The following PLS3 variants were observed in gnomAD, a reference collection of about 807,000 sequenced individuals.
PLS3 encodes plastin 3.
Under a neutral mutation model 46.5 loss-of-function variants are expected in PLS3, and 11 were observed. The ratio of observed to expected loss-of-function variants is 0.24; its 90% CI spans 0.15 to 0.39. The LOEUF (loss-of-function observed/expected upper bound fraction) is 0.39, where lower values mean the gene tolerates loss of function less well. PLS3 is among the 10% of genes least tolerant of loss of function. The pLI is 1.00. For missense variants in PLS3, 308 were observed against 461.8 expected, an observed-to-expected ratio of 0.67 and a Z score of 3.05; for synonymous variants, 167 against 162.2, an observed-to-expected ratio of 1.03 and a Z score of -0.22.
intron 1 of PLS3, among the ~76,000 whole-genome samples, chrX:115,580,077 G>A (rs1448836463): frequency 6.3e-5 from 7 of 111,957 alleles, no homozygotes; most frequent in Non-Finnish European, 3.8e-5. Flanking sequence ...ATTTTAAGAG[G>A]TCTTTATGTA....
intron 5 of PLS3, among the ~76,000 whole-genome samples, chrX:115,630,766 CATATATACAAAATATATATGT>C (rs1224920308): frequency 2.1e-4 from 19 of 91,564 alleles, no homozygotes; most frequent in South Asian, 9.0e-4. Flanking sequence ...ATTTTATACA[CATATATACAAAATATATATGT>C]ATATATACAA....
intron 2 of PLS3, among the ~76,000 whole-genome samples, chrX:115,615,020 G>A (rs186201794): frequency 9.9e-5 from 11 of 110,671 alleles, no homozygotes; most frequent in African/African-American, 2.3e-4. Flanking sequence ...ACAGATTCAA[G>A]GATGTTTAAA....
chrX:115,630,009 G>A, intron 5 of PLS3, 42 bp downstream of exon 5: 1 of 1,007,214 alleles, frequency 9.9e-7, no homozygotes, highest in Non-Finnish European at 1.4e-6. Flanking sequence ...TCCAAAAATA[G>A]CCTTCCATAT....
intron 1 of PLS3, among the ~76,000 whole-genome samples, chrX:115,576,732 A>G (rs1163517690): frequency 9.0e-6 from 1 of 111,413 alleles, no homozygotes; most frequent in Non-Finnish European, 1.9e-5. Context: ...GGAACCTTGC[A>G]GATCCTTTAG....
At chrX:115,628,801 A>G (rs782221518) in intron 3 of PLS3, among the ~76,000 whole-genome samples, 1 of 112,228 alleles carries the variant, frequency 8.9e-6, no homozygotes, top group African/African-American at 3.2e-5. Flanking sequence ...TAAATCATAA[A>G]ATTTTATCTT....
chrX:115,624,485 G>A (rs1556638196), intron 3 of PLS3: 1 of 112,011 alleles, frequency 8.9e-6, no homozygotes, highest in East Asian at 2.8e-4. Flanking sequence ...GTAGCGCAGA[G>A]CAGCAGTTAA....
chrX:115,638,873 T>C (rs1038453726), intron 8 of PLS3, among the ~76,000 whole-genome samples: 108 of 109,211 alleles, frequency 9.9e-4, no homozygotes, highest in Non-Finnish European at 2.0e-3. Flanking sequence ...CCACCATGCC[T>C]GGCTAATTTT....
At chrX:115,599,414 G>T (rs782370412) in intron 1 of PLS3, among the ~76,000 whole-genome samples, 4 of 104,027 alleles carry the variant, frequency 3.8e-5, no homozygotes, top group African/African-American at 1.4e-4. Context: ...CTAGCTACTG[G>T]GGGTGGGAGG....
Position 115,621,815 on chromosome X carries a change from C to A in PLS3, c.74-431C>A, listed in dbSNP as rs1218130867. On this transcript the variant is annotated intron_variant, in intron 2 of 15. Transcript: ENST00000355899. ...CAGGTGTACTTTGAAACAGAATCAG[C>A]ATTAAGTTCATATAAGTTCTTTTTG... Among the ~76,000 whole-genome samples the A allele has an allele frequency of 8.9e-5, 10 of 111,799 alleles. No homozygotes were observed. In the Admixed American group the frequency reaches 9.5e-4, roughly 11 times the overall value.
chrX:115,593,854 T>G (rs1002932246), intron 1 of PLS3, among the ~76,000 whole-genome samples: 1 of 111,641 alleles, frequency 9.0e-6, no homozygotes, highest in African/African-American at 3.2e-5. Flanking sequence ...CTGTTCTGTG[T>G]GTATTCTGTA....
At chrX:115,605,727 T>C (rs902297868) in intron 1 of PLS3, among the ~76,000 whole-genome samples, 4 of 111,243 alleles carry the variant, frequency 3.6e-5, no homozygotes, top group Non-Finnish European at 5.7e-5. Flanking sequence ...ACCTCCCAAA[T>C]TGCTGGGATT....
chrX:115,643,291 T>G, intron 9 of PLS3, 22 bp from the exon 10 acceptor site: 1 of 1,095,069 alleles, frequency 9.1e-7, no homozygotes. Flanking sequence ...TTTGACAAAG[T>G]CTTCCGATTT....
chrX:115,564,361 A>T (rs1275196438), intron 1 of PLS3, among the ~76,000 whole-genome samples: 5 of 112,367 alleles, frequency 4.4e-5, no homozygotes, highest in Non-Finnish European at 1.9e-5. Context: ...ATAACTAGTG[A>T]GTAATAATTT....
intron 2 of PLS3, among the ~76,000 whole-genome samples, chrX:115,621,158 T>A (rs1556637509): frequency 9.1e-6 from 1 of 109,516 alleles, no homozygotes; most frequent in African/African-American, 3.3e-5. Context: ...AGATTACGGG[T>A]GCCCGCCACC....
chrX:115,599,429 G>A (rs782645993), intron 1 of PLS3, among the ~76,000 whole-genome samples: 1 of 102,656 alleles, frequency 9.7e-6, no homozygotes, highest in Admixed American at 1.1e-4. Flanking sequence ...GGGAGGTGCT[G>A]AAGCAGGAGG....
At chrX:115,598,587 C>T (rs782563959) in intron 1 of PLS3, among the ~76,000 whole-genome samples, 2 of 111,942 alleles carry the variant, frequency 1.8e-5, no homozygotes, top group East Asian at 5.6e-4. Flanking sequence ...AGCAAAATTC[C>T]AAGCCACTTG....
intron 1 of PLS3, among the ~76,000 whole-genome samples, chrX:115,586,749 C>A (rs1311555259): frequency 9.0e-6 from 1 of 110,865 alleles, no homozygotes; most frequent in Non-Finnish European, 1.9e-5. Context: ...AAAGTCTTGC[C>A]TTTTAGACAT....
intron 1 of PLS3, among the ~76,000 whole-genome samples, chrX:115,575,367 TCACTTATTAC>T (rs1254587902): frequency 8.9e-6 from 1 of 112,273 alleles, no homozygotes; most frequent in African/African-American, 3.2e-5. Context: ...AGATAACATT[TCACTTATTAC>T]CACTCTGCTC....
At chrX:115,580,135 T>C (rs2074272115) in intron 1 of PLS3, among the ~76,000 whole-genome samples, 1 of 112,411 alleles carries the variant, frequency 8.9e-6, no homozygotes, top group South Asian at 3.7e-4. Context: ...AAATATTTTC[T>C]CCTCGCCTGT....
Sources: allele counts gnomAD v4.1 joint callset (sites outside exome capture counted in the v4.1 genomes callset), GRCh38; gene constraint gnomAD v4.1.1; transcripts MANE v1.5; gene names NCBI Gene and HGNC (gene_info 2026-07-23, HGNC 2026-07-21).